MTUS1: variants seen among roughly 807,000 people sequenced by gnomAD.
MTUS1 encodes the protein microtubule associated scaffold protein 1.
In MTUS1, 109 loss-of-function variants were observed where a neutral mutation model predicts 120.8. That is an observed-to-expected ratio of 0.90 (90% CI 0.77 to 1.06). The LOEUF is 1.06. Among genes scored for constraint, MTUS1 ranks in the 50% least tolerant of loss-of-function variants. MTUS1 has a pLI of 0.00. For synonymous variants in MTUS1, 737 were observed against 550.5 expected (o/e 1.34, Z -4.74); for missense variants, 2,210 against 1,486.3 (o/e 1.49, Z -8.01).
At position 17,654,919 on chromosome 8, in the gene MTUS1, T is replaced by TC. The variant is rs1398801725; in HGVS notation, c.3109-254dup. ...GCCTGGGCAATGTCGCGAGACTCTG[T>TC]CCCCACATGTGCACACACAAAGAAT... On this transcript the variant is annotated intron_variant, in intron 9 of 14. Coordinates refer to ENST00000693296, the MANE Select transcript of MTUS1 (RefSeq NM_001363059.2). 5.9e-6 allele frequency: 3 copies of TC among 507,688 alleles called. 1 individual carries two copies. Among genetic ancestry groups the TC allele is most frequent in the Non-Finnish European group, 7.1e-6 (2 of 283,452 alleles). The allele number at this position is 507,688 out of a possible 1,614,324, so 31.4% of individuals were successfully genotyped here. A position where few individuals can be genotyped will look rare whatever the true frequency, so the allele number is the denominator to read the frequency against.
At chr8:17,673,060 A>G (rs1812345093) in intron 8 of MTUS1, among the ~76,000 whole-genome samples, 1 of 152,238 alleles carries the variant, frequency 6.6e-6, no homozygotes, top group South Asian at 2.1e-4. Flanking sequence ...CCACTGGGTT[A>G]TAATGAACTC....
At chr8:17,666,280 G>T (rs1217416126) in intron 8 of MTUS1, among the ~76,000 whole-genome samples, 4 of 129,556 alleles carry the variant, frequency 3.1e-5, no homozygotes, top group Non-Finnish European at 4.8e-5. Context: ...GAGTTTCAAT[G>T]TAAAAAAAAA....
chr8:17,707,578 G>C (rs1563240079), intron 6 of MTUS1, among the ~76,000 whole-genome samples: 1 of 152,094 alleles, frequency 6.6e-6, no homozygotes, highest in Non-Finnish European at 1.5e-5. Flanking sequence ...GAAATTATTA[G>C]AATTGGAATT....
intron 1 of MTUS1, among the ~76,000 whole-genome samples, chr8:17,788,532 C>T (rs1288558692): frequency 6.6e-6 from 1 of 152,126 alleles, no homozygotes; most frequent in Non-Finnish European, 1.5e-5. Flanking sequence ...GGTCTCTGTC[C>T]ACAACCCAGT....
Position 17,755,309 on chromosome 8 carries a change from T to C in MTUS1, c.499A>G (p.Lys167Glu), listed in dbSNP as rs2048524976. 6.2e-7 allele frequency: 1 copy of C among 1,614,218 alleles called. No homozygotes were observed. Among genetic ancestry groups the C allele is most frequent in the Admixed American group, 1.7e-5 (1 of 60,026 alleles). ...LNQTFDMTVD[K>E]VNCTFISHHA... ...TGTGATATAAAGGTGCAGTTAACTT[T>C]ATCCACTGTCATGTCAAATGTTTGG... Residue 167 changes from lysine (K) to glutamate (E), a missense_variant, in exon 2 of 15, where the codon AAA becomes GAA. Physicochemically the swap from Lys to Glu is moderately conservative, Grantham distance 56. Transcript: ENST00000693296.
chr8:17,801,210 A>G (rs1243696290), upstream of MTUS1: 1 of 149,304 alleles, frequency 6.7e-6, no homozygotes, highest in Non-Finnish European at 1.5e-5. Flanking sequence ...GCACCACCCC[A>G]CGCCTGCGGC....
intron 8 of MTUS1, among the ~76,000 whole-genome samples, chr8:17,671,948 C>T (rs374259324): frequency 3.9e-5 from 6 of 152,090 alleles, no homozygotes; most frequent in East Asian, 1.9e-4. Context: ...TCCACAATAA[C>T]GCAGCAAAAT....
intron 3 of MTUS1, among the ~76,000 whole-genome samples, chr8:17,728,326 A>C (rs2904727): frequency 0.42 from 64,388 of 152,008 alleles, 14,250 homozygotes; most frequent in Middle Eastern, 0.62. Context: ...GCTGGTCTCA[A>C]ACTCCTGACC....
At chr8:17,783,198 G>T (rs761767888) in intron 1 of MTUS1, among the ~76,000 whole-genome samples, 13 of 152,200 alleles carry the variant, frequency 8.5e-5, no homozygotes, top group Non-Finnish European at 1.5e-4. Context: ...AAATAAAGAC[G>T]ATTTGCTCAC....
At chr8:17,751,730 C>T (rs1382886207) in intron 2 of MTUS1, among the ~76,000 whole-genome samples, 5 of 151,618 alleles carry the variant, frequency 3.3e-5, no homozygotes, top group African/African-American at 4.8e-5. Flanking sequence ...TGGTGGTGCA[C>T]GCCTGTAGTC....
At chr8:17,747,975 G>C (rs1359052585) in intron 2 of MTUS1, 1 of 152,146 alleles carries the variant, frequency 6.6e-6, no homozygotes, top group Non-Finnish European at 1.5e-5. Flanking sequence ...TCACTATTAT[G>C]AGAACAGCAT....
At chr8:17,761,535 C>G (rs1474737799) in intron 1 of MTUS1, among the ~76,000 whole-genome samples, 1 of 152,172 alleles carries the variant, frequency 6.6e-6, no homozygotes, top group Admixed American at 6.5e-5. Context: ...ACCAACTGAA[C>G]TAGAAACTCA....
intron 6 of MTUS1, among the ~76,000 whole-genome samples, chr8:17,694,717 C>A (rs1339391465): frequency 3.3e-5 from 5 of 152,022 alleles, no homozygotes; most frequent in South Asian, 2.1e-4. Context: ...GTTTGATGAC[C>A]AGACACATGG....
intron 3 of MTUS1, among the ~76,000 whole-genome samples, chr8:17,726,982 G>C (rs959354785): frequency 6.6e-6 from 1 of 152,124 alleles, no homozygotes; most frequent in African/African-American, 2.4e-5. Flanking sequence ...TTCTGAGTGT[G>C]CCTGGGAATT....
At chr8:17,695,783 C>G (rs995945421) in intron 6 of MTUS1, among the ~76,000 whole-genome samples, 15 of 152,004 alleles carry the variant, frequency 9.9e-5, no homozygotes, top group African/African-American at 3.4e-4. Flanking sequence ...ATATATAGTA[C>G]GCTTTTATTT....
At chr8:17,741,043 G>C in intron 3 of MTUS1, among the ~76,000 whole-genome samples, 1 of 151,034 alleles carries the variant, frequency 6.6e-6, no homozygotes. Flanking sequence ...TTTTTTTTTT[G>C]TATTTTTAGT....
At chr8:17,652,088 G>A (rs987664450) in intron 12 of MTUS1, among the ~76,000 whole-genome samples, 5 of 152,194 alleles carry the variant, frequency 3.3e-5, no homozygotes, top group Non-Finnish European at 5.9e-5. Context: ...GATTTGAAGT[G>A]GAGAAAAGCT....
chr8:17,786,585 C>T (rs1183284089), intron 1 of MTUS1, among the ~76,000 whole-genome samples: 1 of 152,098 alleles, frequency 6.6e-6, no homozygotes, highest in African/African-American at 2.4e-5. Flanking sequence ...GAGGTTGCCA[C>T]ATTATATGTT....
chr8:17,717,533 G>A (rs1313667266), intron 4 of MTUS1, among the ~76,000 whole-genome samples: 1 of 152,118 alleles, frequency 6.6e-6, no homozygotes, highest in African/African-American at 2.4e-5. Flanking sequence ...ATTATATTCA[G>A]CAACAAATAA....
Sources: gnomAD v4.1 joint callset for allele counts (sites outside exome capture counted in the v4.1 genomes callset) on GRCh38, gnomAD v4.1.1 for gene constraint, MANE v1.5 for transcripts, NCBI Gene and HGNC (gene_info 2026-07-23, HGNC 2026-07-21) for gene names.